The following PHLDB2 variants were observed in gnomAD, a reference collection of about 807,000 sequenced individuals.
PHLDB2 encodes the protein pleckstrin homology-like domain family B member 2.
In PHLDB2, 71 loss-of-function variants were observed where a neutral mutation model predicts 123.6. The ratio of observed to expected loss-of-function variants is 0.57; its 90% CI spans 0.47 to 0.70. PHLDB2 has a LOEUF of 0.70. PHLDB2 is among the 30% of genes least tolerant of loss of function. The probability of loss-of-function intolerance (pLI) is 0.00; values close to 1 mark genes in which losing one functional copy is unlikely to be tolerated. For missense variants in PHLDB2, 1,446 were observed against 1,519.5 expected, an observed-to-expected ratio of 0.95 and a Z score of 0.80; for synonymous variants, 547 against 541.6, an observed-to-expected ratio of 1.01 and a Z score of -0.14.
intron 10 of PHLDB2, among the ~76,000 whole-genome samples, chr3:111,952,030 T>C (rs2070745893): frequency 6.6e-6 from 1 of 152,242 alleles, no homozygotes. Flanking sequence ...TTGGCCAAGA[T>C]CTTTTTAAAA....
intron 1 of PHLDB2, among the ~76,000 whole-genome samples, chr3:111,804,551 C>T (rs1287645609): frequency 1.3e-5 from 2 of 152,164 alleles, no homozygotes; most frequent in East Asian, 3.8e-4. Flanking sequence ...ATAAGATATA[C>T]TATCTGCAGC....
chr3:111,913,475 G>A lies in PHLDB2; in HGVS notation c.1492G>A (p.Ala498Thr). The A allele has an allele frequency of 6.2e-7, 1 of 1,614,120 alleles. No homozygotes were observed. The highest frequency in any genetic ancestry group is 8.5e-7 in the Non-Finnish European group (1 of 1,180,022). The change falls in exon 3 of 18, where the codon GCC becomes ACC. Residue 498 changes from alanine (A) to threonine (T), a missense_variant. Ala to Thr is a moderately conservative substitution (Grantham distance 58, BLOSUM62 0). Coordinates refer to ENST00000431670, the MANE Select transcript of PHLDB2 (RefSeq NM_001134438.2). ...TGATGAGGAGTCTGTGTTTGAGGAA[G>A]CCCTCATGAGCCCTGACACAAGATA... Reference protein sequence around the residue: ...LSDEESVFEEALMSPDTRYRC... With the variant: ...LSDEESVFEETLMSPDTRYRC...
intron 13 of PHLDB2, among the ~76,000 whole-genome samples, chr3:111,965,993 A>AG (rs2071724610): frequency 6.6e-6 from 1 of 152,106 alleles, no homozygotes; most frequent in Non-Finnish European, 1.5e-5. Flanking sequence ...TGGTATCATG[A>AG]GGGGGTACTC....
chr3:111,885,446 G>A (rs370817906), intron 2 of PHLDB2, 34 bp downstream of exon 2: 9 of 1,613,306 alleles, frequency 5.6e-6, no homozygotes, highest in Non-Finnish European at 7.6e-6. Flanking sequence ...TGACCTCACT[G>A]TTTCATTAAC....
intron 1 of PHLDB2, among the ~76,000 whole-genome samples, chr3:111,842,867 C>G (rs1189977773): frequency 6.6e-6 from 1 of 152,162 alleles, no homozygotes; most frequent in African/African-American, 2.4e-5. Context: ...AATATGTGAT[C>G]TTTTGTGACT....
chr3:111,940,510 C>T, intron 7 of PHLDB2, 25 bp from the exon 8 acceptor site: 3 of 1,415,952 alleles, frequency 2.1e-6, no homozygotes, highest in South Asian at 2.5e-5. Flanking sequence ...TGTACATCTT[C>T]CTATGATCAT....
chr3:111,952,633 C>T lies in PHLDB2; in HGVS notation c.2693C>T (p.Thr898Ile). 1.2e-6 allele frequency: 2 copies of T among 1,613,934 alleles called. No homozygotes were observed. Among genetic ancestry groups the T allele is most frequent in the Non-Finnish European group, 1.7e-6 (2 of 1,179,896 alleles). ...AAAGAAGGCCTCTATCTGAGTGATACTTTGCCTCGAAAGAAAACCACATCT... is the reference window on the plus strand; with the variant it reads ...AAAGAAGGCCTCTATCTGAGTGATATTTTGCCTCGAAAGAAAACCACATCT... ...QHKEGLYLSD[T>I]LPRKKTTSSI... is the part of the protein sequence containing the mutation. The change falls in exon 11 of 18, where the codon ACT becomes ATT. Residue 898 changes from threonine (T) to isoleucine (I), a missense_variant. Around this residue, in one of 3 missense-constraint regions of PHLDB2, gnomAD observed 594 missense variants for 646.0 expected, o/e 0.92. Transcript: ENST00000431670.
At chr3:111,820,351 C>T (rs1435234832) in intron 1 of PHLDB2, among the ~76,000 whole-genome samples, 1 of 152,092 alleles carries the variant, frequency 6.6e-6, no homozygotes, top group Non-Finnish European at 1.5e-5. Flanking sequence ...TAAAAAATAC[C>T]TTGATAACCT....
chr3:111,866,502 T>G (rs1429457890), intron 1 of PHLDB2, among the ~76,000 whole-genome samples: 1 of 152,048 alleles, frequency 6.6e-6, no homozygotes, highest in Non-Finnish European at 1.5e-5. Flanking sequence ...TTTGGAAAAA[T>G]TAAATATTAC....
chr3:111,919,449 T>C (rs757082035), intron 4 of PHLDB2, among the ~76,000 whole-genome samples: 11 of 152,202 alleles, frequency 7.2e-5, no homozygotes, highest in Non-Finnish European at 1.2e-4. Flanking sequence ...ATGTACTTTA[T>C]GAATCTCCAA....
chr3:111,796,968 C>G (rs1336300269), intron 1 of PHLDB2, among the ~76,000 whole-genome samples: 2 of 152,198 alleles, frequency 1.3e-5, no homozygotes, highest in Non-Finnish European at 2.9e-5. Context: ...ATTGACATGA[C>G]TGGTTTTGTT....
In PHLDB2 at chr3:111,955,354, T is replaced by C. The variant is rs1159779314; in HGVS notation, c.2872+1325T>C. 3.9e-5 allele frequency among the ~76,000 whole-genome samples: 6 copies of C among 152,276 alleles called. No homozygotes were observed. The South Asian group carries it at 1.0e-3, about 26-fold the overall frequency. On this transcript the variant is annotated intron_variant, in intron 12 of 17. Coordinates refer to ENST00000431670, the MANE Select transcript of PHLDB2 (RefSeq NM_001134438.2). The stretch of plus-strand genomic sequence containing the variant: ...GCTAAACATATTCTTTTGATGTTTA[T>C]AAATAATAAACATAAATCCATCTAT...
intron 10 of PHLDB2, 131 bp downstream of exon 10, chr3:111,949,206 T>TAAGGC (rs1414797706): frequency 1.5e-5 from 15 of 1,021,704 alleles, no homozygotes; most frequent in Non-Finnish European, 4.2e-6. Context: ...AGGGGTAGGG[T>TAAGGC]AAGGCTGAGT....
rs370124155 is a variant in PHLDB2, at chr3:111,919,068, G to A, written c.1720-4G>A. On this transcript the variant is annotated splice_polypyrimidine_tract_variant and splice_region_variant and intron_variant, in intron 3 of 17. Transcript: ENST00000431670. ...TAATCCATTTCTGTGTTGATTAATCGCAGACCCCAGAGGGTATAAGTGAAG... is the reference window on the plus strand; with the variant it reads ...TAATCCATTTCTGTGTTGATTAATCACAGACCCCAGAGGGTATAAGTGAAG... 26 of 1,613,246 alleles carry A rather than the reference G, an allele frequency of 1.6e-5. No individual in the cohort carries two copies. Among genetic ancestry groups the A allele is most frequent in the South Asian group, 5.5e-5 (5 of 91,056 alleles).
At chr3:111,781,906 G>T (rs1047969325) in intron 1 of PHLDB2, among the ~76,000 whole-genome samples, 1 of 152,020 alleles carries the variant, frequency 6.6e-6, no homozygotes, top group Non-Finnish European at 1.5e-5. Context: ...TGATGAGATG[G>T]CAGCTGTAAA....
chr3:111,798,037 G>A (rs985017269), intron 1 of PHLDB2, among the ~76,000 whole-genome samples: 1 of 152,146 alleles, frequency 6.6e-6, no homozygotes, highest in African/African-American at 2.4e-5. Flanking sequence ...GGGAGGCTGA[G>A]GTGGGAAGAT....
intron 8 of PHLDB2, among the ~76,000 whole-genome samples, chr3:111,942,537 T>G (rs1365902600): frequency 2.0e-5 from 3 of 152,232 alleles, no homozygotes; most frequent in African/African-American, 7.2e-5. Context: ...TCCCGCCTTC[T>G]TGTTTTCTCT....
intron 10 of PHLDB2, 135 bp downstream of exon 10, chr3:111,949,210 G>T (rs1021871880): frequency 1.9e-5 from 19 of 1,008,522 alleles, no homozygotes; most frequent in Non-Finnish European, 2.7e-5. Context: ...GTAGGGTAAG[G>T]CTGAGTTTAT....
chr3:111,917,864 CAACTT>C (rs369522273), intron 3 of PHLDB2, among the ~76,000 whole-genome samples: 27 of 152,186 alleles, frequency 1.8e-4, no homozygotes, highest in East Asian at 1.5e-3. Context: ...AAAATATACT[CAACTT>C]AATGGGTTTT....
Sources: allele counts gnomAD v4.1 joint callset (sites outside exome capture counted in the v4.1 genomes callset), GRCh38; gene constraint gnomAD v4.1.1; regional missense constraint gnomAD v4.1.1; transcripts MANE v1.5; gene names NCBI Gene and HGNC (gene_info 2026-07-23, HGNC 2026-07-21).